CD2AP: variants seen among roughly 807,000 people sequenced by gnomAD.
CD2AP encodes the protein CD2-associated protein.
A neutral mutation model predicts 85.1 loss-of-function variants in CD2AP; 46 were observed. That is an observed-to-expected ratio of 0.54 (90% CI 0.43 to 0.69). The LOEUF is 0.69. Among genes scored for constraint, CD2AP ranks in the 30% least tolerant of loss-of-function variants. The probability of loss-of-function intolerance (pLI) is 0.00; values close to 1 mark genes in which losing one functional copy is unlikely to be tolerated. For synonymous variants in CD2AP, 255 were observed against 252.9 expected (o/e 1.01, Z -0.08); for missense variants, 769 against 729.5 (o/e 1.05, Z -0.62).
At chr6:47,482,536 G>A (rs933197008) in intron 1 of CD2AP, among the ~76,000 whole-genome samples, 26 of 152,018 alleles carry the variant, frequency 1.7e-4, no homozygotes, top group African/African-American at 6.0e-4. Context: ...GTGCCACCAT[G>A]CCTGGCTAAT....
intron 11 of CD2AP, among the ~76,000 whole-genome samples, chr6:47,590,884 T>C (rs962064278): frequency 6.6e-6 from 1 of 152,014 alleles, no homozygotes; most frequent in East Asian, 1.9e-4. Flanking sequence ...AAAGAAAACA[T>C]TGAGGCAAGG....
chr6:47,569,488 C>T (rs964634820), intron 5 of CD2AP, among the ~76,000 whole-genome samples: 12 of 151,596 alleles, frequency 7.9e-5, no homozygotes, highest in African/African-American at 2.7e-4. Flanking sequence ...GAAGAGGTTC[C>T]AGCAGGGATT....
intron 17 of CD2AP, among the ~76,000 whole-genome samples, chr6:47,622,527 C>CT (rs962960733): frequency 6.6e-6 from 1 of 152,162 alleles, no homozygotes; most frequent in African/African-American, 2.4e-5. Flanking sequence ...GCTGCTTCCT[C>CT]TACCCCCCTT....
chr6:47,609,105 T>C lies in CD2AP; in HGVS notation c.1633-18T>C. The C allele has an allele frequency of 6.4e-7, 1 of 1,572,882 alleles. No homozygotes were observed. The highest frequency in any genetic ancestry group is 1.4e-5 in the African/African-American group (1 of 72,782). On this transcript the variant is annotated intron_variant, in intron 15 of 17. Coordinates refer to ENST00000359314, the MANE Select transcript of CD2AP (RefSeq NM_012120.3). ...ATAATATTAAATAAAATCAGAAATTTTTTTTTTACGTTTTCAGCCATCTGT... is the reference window on the plus strand; with the variant it reads ...ATAATATTAAATAAAATCAGAAATTCTTTTTTTACGTTTTCAGCCATCTGT...
At chr6:47,600,481 T>G (rs893036190) in intron 13 of CD2AP, among the ~76,000 whole-genome samples, 20 of 152,080 alleles carry the variant, frequency 1.3e-4, no homozygotes, top group Admixed American at 1.1e-3. Context: ...AATGCAAAGT[T>G]TCTGACTTAA....
chr6:47,534,094 C>G (rs1428820579), intron 3 of CD2AP, among the ~76,000 whole-genome samples: 4 of 152,112 alleles, frequency 2.6e-5, no homozygotes, highest in African/African-American at 7.2e-5. Flanking sequence ...AGCATAGATA[C>G]AAGAATTTTG....
At chr6:47,482,147 A>G (rs1247243591) in intron 1 of CD2AP, among the ~76,000 whole-genome samples, 2 of 152,208 alleles carry the variant, frequency 1.3e-5, no homozygotes, top group African/African-American at 2.4e-5. Flanking sequence ...ATTTACTTCA[A>G]TTAAACTACA....
At chr6:47,530,767 A>G (rs1464848062) in intron 2 of CD2AP, among the ~76,000 whole-genome samples, 2 of 152,198 alleles carry the variant, frequency 1.3e-5, no homozygotes, top group Non-Finnish European at 2.9e-5. Flanking sequence ...GAAAATGCTA[A>G]AGAGCAGAAA....
chr6:47,500,989 C>T lies in CD2AP; in HGVS notation c.5-2291C>T, dbSNP rs536364274. On this transcript the variant is annotated intron_variant, in intron 1 of 17. Transcript: ENST00000359314. ...GTCTTGATCTCCTGACCTTGTGATCCGCCTGCCTCCGCCTCCCAAAGTGCT... is the reference window on the plus strand; with the variant it reads ...GTCTTGATCTCCTGACCTTGTGATCTGCCTGCCTCCGCCTCCCAAAGTGCT... Among the ~76,000 whole-genome samples the T allele has an allele frequency of 1.1e-4, 17 of 152,252 alleles. No homozygotes were observed. In the East Asian group the frequency reaches 2.1e-3, roughly 19 times the overall value.
chr6:47,484,070 A>G (rs974763067), intron 1 of CD2AP, among the ~76,000 whole-genome samples: 3 of 151,052 alleles, frequency 2.0e-5, no homozygotes, highest in Non-Finnish European at 4.4e-5. Flanking sequence ...TGCTTTTTAA[A>G]TTTTTTTTTG....
At chr6:47,489,967 C>CTTTTTGTTTT (rs1562000362) in intron 1 of CD2AP, among the ~76,000 whole-genome samples, 2 of 121,700 alleles carry the variant, frequency 1.6e-5, no homozygotes, top group African/African-American at 3.4e-5. Context: ...TCTAAAGAGA[C>CTTTTTGTTTT]TTTTTTTTTT....
intron 2 of CD2AP, among the ~76,000 whole-genome samples, chr6:47,519,042 G>A (rs1408453659): frequency 2.6e-5 from 4 of 152,210 alleles, no homozygotes; most frequent in Admixed American, 6.5e-5. Flanking sequence ...GGTTCCTTGC[G>A]CTAGGACTTT....
At chr6:47,550,541 A>T (rs555992156) in intron 4 of CD2AP, among the ~76,000 whole-genome samples, 1 of 152,104 alleles carries the variant, frequency 6.6e-6, no homozygotes, top group African/African-American at 2.4e-5. Context: ...AAAAAAATAG[A>T]TGTTTGTGTG....
At position 47,626,191 on chromosome 6, in the gene CD2AP, T is replaced by C. The variant is rs1359860533; in HGVS notation, c.*1964T>C. On this transcript the variant is annotated 3_prime_UTR_variant, in exon 18 of 18. Transcript: ENST00000359314. ...TCAATAGTACATGAAATCAAGATGC[T>C]TATGAGCATGGAAATGTATTTAAAG... 6.6e-6 allele frequency: 1 copy of C among 151,876 alleles called. No individual in the cohort carries two copies. The highest frequency in any genetic ancestry group is 1.5e-5 in the Non-Finnish European group (1 of 67,808). The allele number at this position is 151,876 out of a possible 1,614,324, so 9.4% of individuals were successfully genotyped here.
chr6:47,604,279 A>G (rs570680529), intron 13 of CD2AP, among the ~76,000 whole-genome samples: 2 of 152,164 alleles, frequency 1.3e-5, no homozygotes, highest in African/African-American at 4.8e-5. Flanking sequence ...TCATGAGTCC[A>G]AAATGTGCAC....
chr6:47,577,492 G>C (rs926295232), intron 8 of CD2AP, among the ~76,000 whole-genome samples: 5 of 151,886 alleles, frequency 3.3e-5, no homozygotes, highest in Admixed American at 6.6e-5. Flanking sequence ...AAGAAAAATA[G>C]GGAAACAAGC....
intron 8 of CD2AP, among the ~76,000 whole-genome samples, 187 bp from the exon 9 acceptor site, chr6:47,579,198 A>G (rs1360687847): frequency 6.6e-6 from 1 of 151,960 alleles, no homozygotes; most frequent in East Asian, 1.9e-4. Flanking sequence ...CCAGAAGTTT[A>G]TGATTGCATT....
At chr6:47,533,418 T>C (rs896672396) in intron 2 of CD2AP, among the ~76,000 whole-genome samples, 184 bp from the exon 3 acceptor site, 1 of 152,216 alleles carries the variant, frequency 6.6e-6, no homozygotes, top group Non-Finnish European at 1.5e-5. Context: ...CTTAAACTCA[T>C]GAGTCACTGT....
In CD2AP at chr6:47,554,704, AT is replaced by A; in HGVS notation, c.483del (p.Phe161LeufsTer2). 6.2e-7 allele frequency: 1 copy of A among 1,613,728 alleles called. No individual in the cohort carries two copies. The highest frequency in any genetic ancestry group is 1.1e-5 in the South Asian group (1 of 91,048). On this transcript the variant is annotated frameshift_variant, in exon 5 of 18. Transcript: ENST00000359314. LOFTEE classifies it high-confidence loss of function. The stretch of plus-strand genomic sequence containing the variant: ...AACAAGTTGGGACTGTTTCCCTCAA[AT>A]TTTGTGAAAGAATTAGAGGTAACAG... Reference protein sequence around the residue: ...LNNKLGLFPSNFVKELEVTDD... With the variant: ...LNNKLGLFPSXFVKELEVTDD...
Sources: gnomAD v4.1 joint callset for allele counts (sites outside exome capture counted in the v4.1 genomes callset) on GRCh38, gnomAD v4.1.1 for gene constraint, MANE v1.5 for transcripts, NCBI Gene and HGNC (gene_info 2026-07-23, HGNC 2026-07-21) for gene names.